Variants in SLC13A3 observed in about 807,000 individuals in gnomAD.
SLC13A3 encodes the protein Na(+)/dicarboxylate cotransporter 3.
A neutral mutation model predicts 59.0 loss-of-function variants in SLC13A3; 40 were observed. The ratio of observed to expected loss-of-function variants is 0.68; its 90% CI spans 0.53 to 0.88. SLC13A3 has a LOEUF of 0.88. SLC13A3 is among the 40% of genes least tolerant of loss of function. The probability of loss-of-function intolerance (pLI) is 0.00; values close to 1 mark genes in which losing one functional copy is unlikely to be tolerated. For missense variants in SLC13A3, 699 were observed against 783.2 expected (o/e 0.89, Z 1.28); for synonymous variants, 317 against 330.3 (o/e 0.96, Z 0.44).
intron 12 of SLC13A3, among the ~76,000 whole-genome samples, chr20:46,560,650 G>A (rs545457793): frequency 1.6e-4 from 25 of 151,678 alleles, no homozygotes; most frequent in African/African-American, 5.3e-4. Context: ...ACACACACAC[G>A]CATGCATGTA....
At chr20:46,677,786 G>T (rs1368253002) in intron 1 of SLC13A3, among the ~76,000 whole-genome samples, 1 of 152,176 alleles carries the variant, frequency 6.6e-6, no homozygotes, top group Non-Finnish European at 1.5e-5. Context: ...ATGACAAACA[G>T]TGACTCAGAG....
chr20:46,652,525 C>T (rs1056214728), upstream of SLC13A3, among the ~76,000 whole-genome samples: 1 of 148,758 alleles, frequency 6.7e-6, no homozygotes, highest in Non-Finnish European at 1.5e-5. Flanking sequence ...GGATTACAGG[C>T]GTGTGCCACC....
chr20:46,590,913 C>T (rs1365224796), intron 6 of SLC13A3, among the ~76,000 whole-genome samples: 4 of 151,788 alleles, frequency 2.6e-5, no homozygotes, highest in African/African-American at 9.7e-5. Flanking sequence ...TGCCTGTAAT[C>T]CCAGCTGTTT....
At chr20:46,624,096 C>A (rs1164187585) in intron 1 of SLC13A3, among the ~76,000 whole-genome samples, 2 of 152,166 alleles carry the variant, frequency 1.3e-5, no homozygotes, top group Admixed American at 6.5e-5. Context: ...CTCCATGACT[C>A]CCCATCTCTG....
chr20:46,652,086 G>T (rs1297311914), upstream of SLC13A3, among the ~76,000 whole-genome samples: 1 of 152,206 alleles, frequency 6.6e-6, no homozygotes, highest in Non-Finnish European at 1.5e-5. Flanking sequence ...GAAGCCTATG[G>T]GAGGCTGGAG....
chr20:46,653,747 G>C (rs929764932), upstream of SLC13A3, among the ~76,000 whole-genome samples: 3 of 152,074 alleles, frequency 2.0e-5, no homozygotes, highest in Non-Finnish European at 4.4e-5. Flanking sequence ...TGTCCTTAAG[G>C]CTCACCCATG....
At chr20:46,575,734 G>A (rs1568914805) in intron 9 of SLC13A3, 49 bp from the exon 10 acceptor site, 1 of 1,210,928 alleles carries the variant, frequency 8.3e-7, no homozygotes. Flanking sequence ...CTCAGCCTGA[G>A]GCAGAGGCCA....
intron 1 of SLC13A3, among the ~76,000 whole-genome samples, chr20:46,679,558 G>A (rs1434042190): frequency 6.6e-6 from 1 of 151,460 alleles, no homozygotes; most frequent in Non-Finnish European, 1.5e-5. Flanking sequence ...AGCTTGCAGT[G>A]AGCCAAGATC....
chr20:46,680,871 C>G (rs567089602), intron 1 of SLC13A3, among the ~76,000 whole-genome samples: 1 of 152,202 alleles, frequency 6.6e-6, no homozygotes. Flanking sequence ...TGACCAGTGA[C>G]AATACTCACA....
intron 1 of SLC13A3, among the ~76,000 whole-genome samples, chr20:46,660,920 A>T (rs1484636611): frequency 6.6e-6 from 1 of 151,802 alleles, no homozygotes; most frequent in African/African-American, 2.4e-5. Flanking sequence ...TCTCTTATAG[A>T]TCTAAGTCTT....
intron 1 of SLC13A3, among the ~76,000 whole-genome samples, chr20:46,657,469 A>G (rs767744865): frequency 1.3e-5 from 2 of 151,678 alleles, no homozygotes; most frequent in Non-Finnish European, 2.9e-5. Flanking sequence ...GTATTACGAG[A>G]TTTTGGCTCT....
chr20:46,560,729 C>T (rs2061923557), intron 12 of SLC13A3, among the ~76,000 whole-genome samples: 1 of 152,168 alleles, frequency 6.6e-6, no homozygotes, highest in African/African-American at 2.4e-5. Flanking sequence ...TAGTCCTAGT[C>T]AAGACTACCC....
rs1555874384 is a variant in SLC13A3 at position 46,563,615 on chromosome 20, GGA to G, written c.1495-66_1495-65del. ...CAACGCAGAGCGACCACAGCAAGAGGGAGAGAGAGAGAGAGAGGCAGTTGGAA... is the reference window on the plus strand; with the variant it reads ...CAACGCAGAGCGACCACAGCAAGAGGGAGAGAGAGAGAGAGGCAGTTGGAA... On this transcript the variant is annotated intron_variant, in intron 11 of 12. Coordinates refer to ENST00000279027, the MANE Select transcript of SLC13A3 (RefSeq NM_022829.6). 3.0e-3 allele frequency: 4,227 copies of G among 1,412,716 alleles called. 1 individual carries two copies. Among genetic ancestry groups the G allele is most frequent in the South Asian group, 3.4e-3 (244 of 71,518 alleles). 87.5% of individuals were successfully genotyped at this position (1,412,716 alleles called of 1,614,324 possible).
chr20:46,655,741 T>C (rs1303629108), upstream of SLC13A3, among the ~76,000 whole-genome samples: 3 of 145,342 alleles, frequency 2.1e-5, no homozygotes, highest in Middle Eastern at 3.6e-3. Flanking sequence ...AATATATATA[T>C]ACTATATATA....
chr20:46,627,023 T>C (rs932822751), intron 1 of SLC13A3, among the ~76,000 whole-genome samples: 4 of 152,224 alleles, frequency 2.6e-5, no homozygotes, highest in Middle Eastern at 3.2e-3. Flanking sequence ...CTGGCTTCAT[T>C]CTTGTGGAGC....
chr20:46,584,189 T>A (rs2062168951), intron 8 of SLC13A3: 1 of 985,204 alleles, frequency 1.0e-6, no homozygotes, highest in African/African-American at 1.7e-5. Flanking sequence ...TTAGGGGAGT[T>A]TTGCGCACAT....
At chr20:46,621,701 C>T (rs772096477) in intron 1 of SLC13A3, among the ~76,000 whole-genome samples, 3 of 152,178 alleles carry the variant, frequency 2.0e-5, no homozygotes, top group Admixed American at 6.5e-5. Flanking sequence ...CCCAGGAGGT[C>T]TTAAGCAATC....
chr20:46,637,797 G>A (rs951856397), intron 1 of SLC13A3, among the ~76,000 whole-genome samples: 10 of 152,126 alleles, frequency 6.6e-5, no homozygotes, highest in Non-Finnish European at 1.0e-4. Context: ...GCTAGGAAGT[G>A]GGAGAGCAAA....
chr20:46,574,427 T>A (rs1036259420), intron 10 of SLC13A3, among the ~76,000 whole-genome samples: 1 of 152,218 alleles, frequency 6.6e-6, no homozygotes, highest in Non-Finnish European at 1.5e-5. Flanking sequence ...AGATGCTGGA[T>A]GCTGACGTTG....
Sources: gnomAD v4.1 joint callset for allele counts (sites outside exome capture counted in the v4.1 genomes callset) on GRCh38, gnomAD v4.1.1 for gene constraint, MANE v1.5 for transcripts, NCBI Gene and HGNC (gene_info 2026-07-23, HGNC 2026-07-21) for gene names.